The following ARNT2 variants were observed in gnomAD, a reference collection of about 807,000 sequenced individuals.
The protein encoded by ARNT2 is aryl hydrocarbon receptor nuclear translocator 2.
In ARNT2, 36 loss-of-function variants were observed where a neutral mutation model predicts 91.7. That is an observed-to-expected ratio of 0.39 (90% CI 0.30 to 0.52). The LOEUF is 0.52. ARNT2 is among the 20% of genes least tolerant of loss of function. The pLI is 0.72. For missense variants in ARNT2, 775 were observed against 939.3 expected (o/e 0.83, Z 2.29); for synonymous variants, 365 against 347.1 (o/e 1.05, Z -0.57).
At chr15:80,512,534 C>T (rs954508323) in intron 6 of ARNT2, among the ~76,000 whole-genome samples, 1 of 152,228 alleles carries the variant, frequency 6.6e-6, no homozygotes, top group African/African-American at 2.4e-5. Context: ...GTGGGATCCA[C>T]TTGCATTGCT....
In ARNT2 at chr15:80,416,519, C is replaced by CA. The variant is rs571386975; in HGVS notation, c.31+11981dup. On this transcript the variant is annotated intron_variant, in intron 1 of 18. Coordinates refer to ENST00000303329, the MANE Select transcript of ARNT2 (RefSeq NM_014862.4). ...AATTTTCACCAATTGTTCCTCATAA[C>CA]AAAAAAAATGATTTTTCAAGTTCAG... Among the ~76,000 whole-genome samples, 668 of 151,894 alleles carry CA rather than the reference C, an allele frequency of 4.4e-3. 5 individuals carry two copies. Among genetic ancestry groups the CA allele is most frequent in the African/African-American group, 0.015 (610 of 41,462 alleles).
chr15:80,484,354 A>C (rs1368887550), intron 5 of ARNT2, among the ~76,000 whole-genome samples: 1 of 152,212 alleles, frequency 6.6e-6, no homozygotes, highest in East Asian at 1.9e-4. Context: ...AAAACAAAGC[A>C]TTTGGGGGTA....
intron 8 of ARNT2, among the ~76,000 whole-genome samples, chr15:80,540,431 G>C (rs976007645): frequency 1.8e-4 from 27 of 152,154 alleles, no homozygotes; most frequent in African/African-American, 6.5e-4. Context: ...CTTTTCATGT[G>C]CTTATTAGCC....
At chr15:80,543,796 A>G (rs1177627943) in intron 8 of ARNT2, among the ~76,000 whole-genome samples, 2 of 152,158 alleles carry the variant, frequency 1.3e-5, no homozygotes, top group Non-Finnish European at 2.9e-5. Flanking sequence ...TTTGTTGTAC[A>G]TTGGCCTGAT....
At chr15:80,452,959 A>G (rs1360803627) in intron 2 of ARNT2, among the ~76,000 whole-genome samples, 1 of 152,134 alleles carries the variant, frequency 6.6e-6, no homozygotes, top group Non-Finnish European at 1.5e-5. Context: ...ATTTTTAGAG[A>G]CAGGGTCTCG....
intron 5 of ARNT2, among the ~76,000 whole-genome samples, chr15:80,476,628 A>T (rs1419030707): frequency 6.6e-6 from 1 of 152,234 alleles, no homozygotes; most frequent in African/African-American, 2.4e-5. Context: ...GTAGGCCTTC[A>T]GCAGAAGCCT....
intron 8 of ARNT2, among the ~76,000 whole-genome samples, chr15:80,518,982 G>T (rs74027813): frequency 0.017 from 2,659 of 152,192 alleles, 82 homozygotes; most frequent in African/African-American, 0.061. Context: ...TTCCTGGAGG[G>T]AAAACCCATG....
intron 3 of ARNT2, among the ~76,000 whole-genome samples, chr15:80,459,367 T>A (rs764732132): frequency 6.6e-6 from 1 of 152,186 alleles, no homozygotes; most frequent in East Asian, 1.9e-4. Flanking sequence ...TACACTTTAA[T>A]AGCAGGGTGT....
intron 5 of ARNT2, among the ~76,000 whole-genome samples, chr15:80,492,706 ATGTG>A (rs140085189): frequency 6.6e-6 from 1 of 151,042 alleles, no homozygotes. Flanking sequence ...GTGAGTGTGT[ATGTG>A]TGTGTGTGTG....
chr15:80,492,603 C>G (rs1195068683), intron 5 of ARNT2, among the ~76,000 whole-genome samples: 5 of 152,148 alleles, frequency 3.3e-5, no homozygotes, highest in African/African-American at 9.7e-5. Flanking sequence ...TTCTCAAATT[C>G]CTGTGATGGA....
intron 12 of ARNT2, 47 bp downstream of exon 12, chr15:80,563,286 T>C (rs1011091822): frequency 4.3e-6 from 7 of 1,610,806 alleles, no homozygotes; most frequent in Non-Finnish European, 4.2e-6. Context: ...ATGCGCTTGC[T>C]TGGGTCCAGA....
intron 12 of ARNT2, among the ~76,000 whole-genome samples, chr15:80,570,397 C>T (rs1052918090): frequency 2.6e-5 from 4 of 152,178 alleles, no homozygotes; most frequent in Middle Eastern, 3.4e-3. Flanking sequence ...GCCATCAGTC[C>T]TACATTAAGT....
intron 1 of ARNT2, among the ~76,000 whole-genome samples, chr15:80,437,242 G>A (rs992029580): frequency 2.0e-5 from 3 of 152,136 alleles, no homozygotes; most frequent in Non-Finnish European, 2.9e-5. Context: ...CTGCACGCTC[G>A]TCAGGCCACT....
intron 5 of ARNT2, among the ~76,000 whole-genome samples, chr15:80,498,920 G>T (rs1164051684): frequency 6.6e-6 from 1 of 152,140 alleles, no homozygotes; most frequent in Non-Finnish European, 1.5e-5. Context: ...CAGTTGTACT[G>T]TGAAAAGTAG....
In ARNT2 at chr15:80,458,779, T is replaced by C. The variant is rs892819631; in HGVS notation, c.194+803T>C. On this transcript the variant is annotated intron_variant, in intron 3 of 18. Coordinates refer to ENST00000303329, the MANE Select transcript of ARNT2 (RefSeq NM_014862.4). The stretch of plus-strand genomic sequence containing the variant: ...AAATTCACATCTGTACCCACTTACC[T>C]AAGGAAGGGCCTGCCTTGACATTCC... 4.6e-5 allele frequency among the ~76,000 whole-genome samples: 7 copies of C among 152,208 alleles called. 1 individual carries two copies.
chr15:80,466,893 C>A (rs922695232), intron 3 of ARNT2, among the ~76,000 whole-genome samples: 4 of 152,246 alleles, frequency 2.6e-5, no homozygotes, highest in Non-Finnish European at 4.4e-5. Flanking sequence ...TACACCTTAT[C>A]TCACAGATTG....
intron 17 of ARNT2, among the ~76,000 whole-genome samples, chr15:80,586,581 C>T (rs1893175689): frequency 6.6e-6 from 1 of 152,120 alleles, no homozygotes; most frequent in Admixed American, 6.5e-5. Context: ...ATTTGTTATT[C>T]CAGGCTGGGT....
chr15:80,406,562 A>T (rs1053773218), intron 1 of ARNT2, among the ~76,000 whole-genome samples: 2 of 152,206 alleles, frequency 1.3e-5, no homozygotes, highest in Non-Finnish European at 2.9e-5. Context: ...TTTTTTGTCC[A>T]TTACATTGCT....
chr15:80,522,886 C>T (rs981338488), intron 8 of ARNT2, among the ~76,000 whole-genome samples: 1 of 149,704 alleles, frequency 6.7e-6, no homozygotes, highest in East Asian at 2.0e-4. Flanking sequence ...ACAGAAATGT[C>T]AGGATATTGT....
Sources: allele counts gnomAD v4.1 joint callset (sites outside exome capture counted in the v4.1 genomes callset), GRCh38; gene constraint gnomAD v4.1.1; transcripts MANE v1.5; gene names NCBI Gene and HGNC (gene_info 2026-07-23, HGNC 2026-07-21).